The following ARPC2 variants were observed in gnomAD, a reference collection of about 807,000 sequenced individuals.
ARPC2 encodes actin related protein 2/3 complex subunit 2, also known as actin-related protein 2/3 complex subunit 2.
Under a neutral mutation model 38.6 loss-of-function variants are expected in ARPC2, and 4 were observed. That is an observed-to-expected ratio of 0.10 (90% CI 0.05 to 0.24). The LOEUF (loss-of-function observed/expected upper bound fraction) is 0.24, where lower values mean the gene tolerates loss of function less well. Among genes scored for constraint, ARPC2 ranks in the 10% least tolerant of loss-of-function variants. The pLI is 1.00. For synonymous variants in ARPC2, 125 were observed against 140.8 expected (o/e 0.89, Z 0.79); for missense variants, 229 against 387.3 (o/e 0.59, Z 3.43).
Position 218,238,814 on chromosome 2 carries a change from A to G in ARPC2, c.419A>G (p.Asn140Ser), listed in dbSNP as rs1330957504. The G allele has an allele frequency of 8.7e-6, 14 of 1,614,014 alleles. No homozygotes were observed. Among genetic ancestry groups the G allele is most frequent in the Non-Finnish European group, 1.1e-5 (13 of 1,179,966 alleles). The change falls in exon 6 of 11, where the codon AAC becomes AGC. Residue 140 changes from asparagine to serine, a missense_variant. Physicochemically the swap from Asn to Ser is conservative, Grantham distance 46. Transcript: ENST00000315717. ...CAAGAAGAGGGCAAGGAAGGAGAGA[A>G]CAGGGCAGTTATCCATTATAGGGAT... The part of the protein sequence containing the change: ...QFQEEGKEGE[N>S]RAVIHYRDDE...
In ARPC2 at chr2:218,243,712, G is replaced by A. The variant is rs114962413; in HGVS notation, c.550-1708G>A. ...AATCACTTGAACCTAGGAGGTGGAG[G>A]TTGCAGTGAGCCAAGATCACGCCAC... On this transcript the variant is annotated intron_variant, in intron 7 of 10. Coordinates refer to ENST00000315717, the MANE Select transcript of ARPC2 (RefSeq NM_152862.3). Among the ~76,000 whole-genome samples the A allele has an allele frequency of 6.4e-3, 981 of 152,316 alleles. 11 individuals are homozygous for A. Among genetic ancestry groups the A allele is most frequent in the Admixed American group, 0.027 (408 of 15,300 alleles).
chr2:218,236,319 T>G (rs1305690832), intron 5 of ARPC2: 3 of 152,190 alleles, frequency 2.0e-5, no homozygotes, highest in Non-Finnish European at 4.4e-5. Flanking sequence ...CTCTAAATCT[T>G]TTCTTTTTTA....
intron 3 of ARPC2, among the ~76,000 whole-genome samples, chr2:218,228,248 C>T (rs533278311): frequency 1.3e-5 from 2 of 152,052 alleles, no homozygotes; most frequent in African/African-American, 4.8e-5. Flanking sequence ...ACTAAAAATA[C>T]AAAAATTAGC....
chr2:218,218,679 A>G (rs1230955867), intron 2 of ARPC2, among the ~76,000 whole-genome samples: 1 of 152,202 alleles, frequency 6.6e-6, no homozygotes, highest in Non-Finnish European at 1.5e-5. Context: ...CAGATGGGAG[A>G]AGATTGGTAG....
intron 2 of ARPC2, among the ~76,000 whole-genome samples, chr2:218,224,175 A>G (rs1047559961): frequency 6.6e-5 from 10 of 152,364 alleles, no homozygotes; most frequent in Admixed American, 2.0e-4. Context: ...TGCTCAGGAT[A>G]CTTTATGCCT....
rs996212759 is a variant in ARPC2 at position 218,231,532 on chromosome 2, C to G, written c.222+2682C>G. 7.9e-5 allele frequency among the ~76,000 whole-genome samples: 12 copies of G among 152,260 alleles called. No homozygotes were observed. In the Middle Eastern group the frequency reaches 0.01, roughly 129 times the overall value. The stretch of plus-strand genomic sequence containing the variant: ...CAGAGGTCGCATGCTGTTTCAAATT[C>G]TTGGGATATGCATGTTACTTTTTTT... On this transcript the variant is annotated intron_variant, in intron 4 of 10. Coordinates refer to ENST00000315717, the MANE Select transcript of ARPC2 (RefSeq NM_152862.3).
intron 7 of ARPC2, 197 bp downstream of exon 7, chr2:218,239,681 C>T: frequency 2.0e-6 from 1 of 510,016 alleles, no homozygotes; most frequent in Non-Finnish European, 3.5e-6. Flanking sequence ...GCAACCTCCG[C>T]CTCCCAGGTT....
intron 10 of ARPC2, among the ~76,000 whole-genome samples, chr2:218,250,164 T>C (rs1690151780): frequency 2.0e-5 from 3 of 152,230 alleles, no homozygotes; most frequent in Admixed American, 6.5e-5. Context: ...AAACAAAGTT[T>C]ACCAAGAGAC....
At chr2:218,235,014 G>T in intron 5 of ARPC2, 1 of 354,448 alleles carries the variant, frequency 2.8e-6, no homozygotes, top group Non-Finnish European at 5.6e-6. Context: ...AAATTCTGAG[G>T]CATTTAGCAG....
At position 218,245,557 on chromosome 2, in the gene ARPC2, T is replaced by G. The variant is rs1574592395; in HGVS notation, c.676+11T>G. On this transcript the variant is annotated intron_variant, in intron 8 of 10. Transcript: ENST00000315717. ...GCTACATTACCTTTGGTGAGCAGGGTGCACTTGCTGCTTTTGTGCCGCTTT... is the reference window on the plus strand; with the variant it reads ...GCTACATTACCTTTGGTGAGCAGGGGGCACTTGCTGCTTTTGTGCCGCTTT... 6.2e-7 allele frequency: 1 copy of G among 1,613,936 alleles called. No individual in the cohort carries two copies. The highest frequency in any genetic ancestry group is 8.5e-7 in the Non-Finnish European group (1 of 1,179,906).
At chr2:218,252,929 T>G (rs562194159) in intron 10 of ARPC2, 23 of 456,750 alleles carry the variant, frequency 5.0e-5, no homozygotes, top group East Asian at 1.4e-4. Context: ...CAACTTTGCC[T>G]TCTTCTGTGC....
intron 2 of ARPC2, among the ~76,000 whole-genome samples, chr2:218,222,661 C>A (rs1468637023): frequency 6.6e-6 from 1 of 152,262 alleles, no homozygotes; most frequent in East Asian, 1.9e-4. Context: ...CCTCTCCCAA[C>A]CACAGCTTCA....
At chr2:218,240,701 C>G (rs1689892358) in intron 7 of ARPC2, among the ~76,000 whole-genome samples, 1 of 150,876 alleles carries the variant, frequency 6.6e-6, no homozygotes, top group Non-Finnish European at 1.5e-5. Context: ...ACCATCCTGG[C>G]CAACATGGTG....
At chr2:218,238,608 T>TAAA in intron 5 of ARPC2, 56 bp from the exon 6 acceptor site, 2 of 952,176 alleles carry the variant, frequency 2.1e-6, no homozygotes, top group East Asian at 2.7e-5. Context: ...TTTTTTTTTT[T>TAAA]TTTTAAATGT....
intron 7 of ARPC2, 106 bp from the exon 8 acceptor site, chr2:218,245,314 C>A: frequency 7.0e-7 from 1 of 1,425,954 alleles, no homozygotes; most frequent in South Asian, 1.3e-5. Flanking sequence ...TCCTGCTGGT[C>A]TGGAGGGCTA....
At chr2:218,240,719 G>A (rs566526908) in intron 7 of ARPC2, among the ~76,000 whole-genome samples, 10 of 134,752 alleles carry the variant, frequency 7.4e-5, no homozygotes, top group South Asian at 2.9e-4. Context: ...GTGAAACCCC[G>A]TCTCTACTAA....
At chr2:218,225,857 T>C in intron 2 of ARPC2, 63 bp from the exon 3 acceptor site, 6 of 1,548,170 alleles carry the variant, frequency 3.9e-6, no homozygotes, top group Non-Finnish European at 5.4e-6. Flanking sequence ...GCCTTTCCAG[T>C]TCCCTTTGAA....
At chr2:218,219,470 T>C (rs915231556) in intron 2 of ARPC2, among the ~76,000 whole-genome samples, 1 of 152,006 alleles carries the variant, frequency 6.6e-6, no homozygotes, top group Admixed American at 6.6e-5. Flanking sequence ...ATGTCTCGGC[T>C]TCCCAAGTAG....
intron 8 of ARPC2, among the ~76,000 whole-genome samples, chr2:218,247,412 G>A (rs1424732799): frequency 1.3e-5 from 2 of 152,186 alleles, no homozygotes; most frequent in African/African-American, 2.4e-5. Context: ...AGTGGTAAAG[G>A]TGAACCTGTT....
Sources: allele counts gnomAD v4.1 joint callset (sites outside exome capture counted in the v4.1 genomes callset), GRCh38; gene constraint gnomAD v4.1.1; transcripts MANE v1.5; gene names NCBI Gene and HGNC (gene_info 2026-07-23, HGNC 2026-07-21).